CCDC92: variants seen among roughly 807,000 people sequenced by gnomAD.
CCDC92 encodes coiled-coil domain-containing protein 92.
Under a neutral mutation model 24.9 loss-of-function variants are expected in CCDC92, and 12 were observed. The observed-to-expected ratio is 0.48, with a 90% CI of 0.31 to 0.78. The LOEUF is 0.78. Ranked by LOEUF, CCDC92 falls within the 30% of genes least tolerant of loss-of-function variation. The pLI is 0.05. For synonymous variants in CCDC92, 193 were observed against 196.3 expected (o/e 0.98, Z 0.14); for missense variants, 399 against 439.4 (o/e 0.91, Z 0.82).
At chr12:123,949,210 T>C (rs1018846878) in intron 1 of CCDC92, among the ~76,000 whole-genome samples, 1 of 152,224 alleles carries the variant, frequency 6.6e-6, no homozygotes, top group Non-Finnish European at 1.5e-5. Context: ...CAGCCAGGAA[T>C]GGAGGGCAGC....
intron 1 of CCDC92, chr12:123,967,965 T>G (rs1956432143): frequency 6.6e-6 from 1 of 152,204 alleles, no homozygotes; most frequent in South Asian, 2.1e-4. Context: ...AGACCTAAAT[T>G]TAGTATCTTA....
intron 1 of CCDC92, among the ~76,000 whole-genome samples, chr12:123,947,408 A>G (rs1955904420): frequency 6.6e-6 from 1 of 152,164 alleles, no homozygotes; most frequent in Non-Finnish European, 1.5e-5. Context: ...CCACTGGGTG[A>G]AGCCAGCCGG....
chr12:123,936,614 C>T lies in CCDC92; in HGVS notation c.*444G>A, dbSNP rs1033407013. On this transcript the variant is annotated 3_prime_UTR_variant, in exon 5 of 5. Coordinates refer to ENST00000238156, the MANE Select transcript of CCDC92 (RefSeq NM_025140.3). ...GTGACAGGGGTCTCCAGGAGGAGCT[C>T]GGGAGGTGACAAGGGTCTCCAGGAG... is the stretch of plus-strand genomic sequence containing the variant. The T allele has an allele frequency of 5.4e-5, 10 of 185,554 alleles. No individual in the cohort carries two copies. The highest frequency in any genetic ancestry group is 3.6e-4 in the South Asian group (3 of 8,360). 11.5% of individuals were successfully genotyped at this position (185,554 alleles called of 1,614,324 possible). A position where few individuals can be genotyped will look rare whatever the true frequency, so the allele number is the denominator to read the frequency against.
At chr12:123,944,232 C>G in intron 2 of CCDC92, 40 bp downstream of exon 2, 5 of 1,329,614 alleles carry the variant, frequency 3.8e-6, no homozygotes, top group Non-Finnish European at 5.4e-6. Flanking sequence ...CCAGCCCCAG[C>G]TTCCAGCATC....
chr12:123,946,025 C>CCCCGCCATCCATTTCCAGTCTA, intron 1 of CCDC92: 1 of 153,496 alleles, frequency 6.5e-6, no homozygotes, highest in South Asian at 1.7e-4. Flanking sequence ...TGCTGGCATC[C>CCCCGCCATCCATTTCCAGTCTA]TGCTTTGAAA....
chr12:123,965,369 A>G (rs1275413232), intron 1 of CCDC92, among the ~76,000 whole-genome samples: 1 of 152,156 alleles, frequency 6.6e-6, no homozygotes, highest in Non-Finnish European at 1.5e-5. Flanking sequence ...ATTCATCTTG[A>G]CCTCTGTATA....
intron 1 of CCDC92, among the ~76,000 whole-genome samples, chr12:123,950,169 G>T (rs1043182571): frequency 1.3e-5 from 2 of 152,214 alleles, no homozygotes; most frequent in African/African-American, 4.8e-5. Context: ...GACGTCTGGG[G>T]CAGATTTAAT....
At chr12:123,954,230 AGTT>A (rs1956098027) in intron 1 of CCDC92, among the ~76,000 whole-genome samples, 1 of 152,204 alleles carries the variant, frequency 6.6e-6, no homozygotes, top group African/African-American at 2.4e-5. Context: ...ATGGGAAGGT[AGTT>A]GTTACAAATG....
chr12:123,957,747 C>T (rs1174408139), intron 1 of CCDC92, among the ~76,000 whole-genome samples: 2 of 128,460 alleles, frequency 1.6e-5, no homozygotes, highest in African/African-American at 3.0e-5. Flanking sequence ...CTCGCTTTGT[C>T]GCCCAGGCTG....
rs112349513 is a variant in CCDC92, at chr12:123,937,331, G to A, written c.723C>T (p.Pro241=). ...TAGCCAGCAGAAATGGGGTGGGGTC[G>A]GGCATAGCATCCACTGGTTCCCGCA... ...LLLREPVDAM[P]DPTPFLLARE... The change falls in exon 5 of 5, where the codon CCC becomes CCT. Residue 241 remains proline, a synonymous_variant. Coordinates refer to ENST00000238156, the MANE Select transcript of CCDC92 (RefSeq NM_025140.3). This position sits in a 1 kb window ranked among gnomAD's most constrained non-coding sequence, Gnocchi z 8.4. 32 of 1,613,714 alleles carry A rather than the reference G, an allele frequency of 2.0e-5. No homozygotes were observed. The highest frequency in any genetic ancestry group is 3.3e-5 in the South Asian group (3 of 91,090).
chr12:123,963,320 G>A (rs556417705), intron 1 of CCDC92, among the ~76,000 whole-genome samples: 6 of 152,316 alleles, frequency 3.9e-5, no homozygotes, highest in South Asian at 4.1e-4. Context: ...GCACTTTTGG[G>A]AGGGCAAACT....
At chr12:123,940,133 T>C (rs1955640213) in intron 4 of CCDC92, among the ~76,000 whole-genome samples, 1 of 152,226 alleles carries the variant, frequency 6.6e-6, no homozygotes. Flanking sequence ...GCTTTGCTCA[T>C]GTCCTGTGAG....
intron 1 of CCDC92, 45 bp downstream of exon 1, chr12:123,972,484 C>T (rs2138272117): frequency 6.6e-6 from 1 of 151,908 alleles, no homozygotes; most frequent in Non-Finnish European, 1.5e-5. Context: ...CCGGCGCTGC[C>T]AGGTGAGCGG....
intron 4 of CCDC92, among the ~76,000 whole-genome samples, chr12:123,938,888 G>C (rs928180581): frequency 1.3e-5 from 2 of 152,042 alleles, no homozygotes; most frequent in Non-Finnish European, 2.9e-5. Context: ...GCTCAGTGCT[G>C]CCCCCTCCCT....
At chr12:123,962,175 T>G (rs1455589507) in intron 1 of CCDC92, among the ~76,000 whole-genome samples, 1 of 152,090 alleles carries the variant, frequency 6.6e-6, no homozygotes, top group Non-Finnish European at 1.5e-5. Flanking sequence ...AAAATCAGAA[T>G]AAGAGAAAAT....
intron 1 of CCDC92, among the ~76,000 whole-genome samples, chr12:123,954,613 C>T (rs1956107229): frequency 6.6e-6 from 1 of 152,202 alleles, no homozygotes; most frequent in African/African-American, 2.4e-5. Flanking sequence ...ATTTAAAAAC[C>T]ATGTCACGGG....
At chr12:123,948,281 T>C (rs1436940339) in intron 1 of CCDC92, among the ~76,000 whole-genome samples, 1 of 152,252 alleles carries the variant, frequency 6.6e-6, no homozygotes, top group African/African-American at 2.4e-5. Context: ...ACAAATGTTA[T>C]CAGCAGCCAT....
Position 123,936,414 on chromosome 12 carries a change from T to C in CCDC92, c.*644A>G, listed in dbSNP as rs149507411. On this transcript the variant is annotated 3_prime_UTR_variant, in exon 5 of 5. Transcript: ENST00000238156. The stretch of plus-strand genomic sequence containing the variant: ...AGACACAAAACAGAAGGAAGGCAGG[T>C]TTAGAAAATAAAGTTTGTTGGGATC... 1.6e-3 allele frequency: 248 copies of C among 152,910 alleles called. 5 individuals are homozygous for C. Among genetic ancestry groups the C allele is most frequent in the Non-Finnish European group, 2.2e-4 (15 of 68,278 alleles). The allele number at this position is 152,910 out of a possible 1,614,324, so 9.5% of individuals were successfully genotyped here.
chr12:123,940,969 C>T (rs1955665692), intron 4 of CCDC92, among the ~76,000 whole-genome samples: 1 of 142,670 alleles, frequency 7.0e-6, no homozygotes, highest in African/African-American at 2.6e-5. Flanking sequence ...CCCTAAGACA[C>T]AGCCCTTGCT....
Sources: gnomAD v4.1 joint callset for allele counts (sites outside exome capture counted in the v4.1 genomes callset) on GRCh38, gnomAD v4.1.1 for gene constraint, Gnocchi (gnomAD v3.1) non-coding constraint, MANE v1.5 for transcripts, NCBI Gene and HGNC (gene_info 2026-07-23, HGNC 2026-07-21) for gene names.